The following VWA3B variants were observed in gnomAD, a reference collection of about 807,000 sequenced individuals.
VWA3B encodes the protein von Willebrand factor A domain-containing protein 3B.
VWA3B carries 138 observed loss-of-function variants against 158.3 expected under a neutral mutation model. The observed-to-expected ratio is 0.87, with a 90% CI of 0.76 to 1.00. The LOEUF is 1.00. Among genes scored for constraint, VWA3B ranks in the 50% least tolerant of loss-of-function variants. The pLI is 0.00. For synonymous variants in VWA3B, 596 were observed against 587.3 expected, an observed-to-expected ratio of 1.01 and a Z score of -0.21; for missense variants, 1,555 against 1,565.1, an observed-to-expected ratio of 0.99 and a Z score of 0.11.
At chr2:98,277,580 G>A (rs1688599558) in intron 22 of VWA3B, among the ~76,000 whole-genome samples, 1 of 152,328 alleles carries the variant, frequency 6.6e-6, no homozygotes, top group Admixed American at 6.5e-5. Context: ...GCCGTGGAAA[G>A]TTACCCACAC....
chr2:98,243,114 G>A (rs1231459254), intron 19 of VWA3B, among the ~76,000 whole-genome samples: 2 of 151,786 alleles, frequency 1.3e-5, no homozygotes, highest in African/African-American at 4.8e-5. Flanking sequence ...CAGACCCTTT[G>A]TTCTTTGTTT....
At chr2:98,111,111 C>A (rs1423145291) in intron 2 of VWA3B, among the ~76,000 whole-genome samples, 3 of 152,200 alleles carry the variant, frequency 2.0e-5, no homozygotes, top group African/African-American at 2.4e-5. Context: ...AACCCCTGCT[C>A]CCCCCACCTT....
intron 21 of VWA3B, among the ~76,000 whole-genome samples, chr2:98,264,789 A>G (rs1342777013): frequency 1.3e-5 from 2 of 152,064 alleles, no homozygotes; most frequent in Admixed American, 1.3e-4. Context: ...TGTTCTGTCC[A>G]TTATTGAAAG....
chr2:98,230,213 A>G lies in VWA3B; in HGVS notation c.2308+6A>G. The G allele has an allele frequency of 6.5e-7, 1 of 1,548,562 alleles. No individual in the cohort carries two copies. Among genetic ancestry groups the G allele is most frequent in the Non-Finnish European group, 8.7e-7 (1 of 1,153,954 alleles). ...AAAGAAAGTCCTTCACGCAGGTATC[A>G]GTGAACAAAATGGCTTGACTCTTTG... On this transcript the variant is annotated splice_donor_region_variant and intron_variant, in intron 16 of 27. Transcript: ENST00000477737.
chr2:98,304,118 C>A (rs578076609), intron 26 of VWA3B, among the ~76,000 whole-genome samples: 1 of 152,304 alleles, frequency 6.6e-6, no homozygotes, highest in South Asian at 2.1e-4. Flanking sequence ...GCATTTGGGT[C>A]CAGTCACCTA....
chr2:98,217,972 G>C lies in VWA3B; in HGVS notation c.1963G>C (p.Glu655Gln). 3.1e-6 allele frequency: 5 copies of C among 1,613,340 alleles called. No homozygotes were observed. Among genetic ancestry groups the C allele is most frequent in the Non-Finnish European group, 4.2e-6 (5 of 1,179,688 alleles). ...AGAGGTTGCTGCTTTGACTGGAGGA[G>C]AGTTCCATTTTTATAATTTTGGTTG... The part of the protein sequence containing the change: ...LKEVAALTGG[E>Q]FHFYNFGCKD... Residue 655 changes from glutamate (E) to glutamine (Q), a missense_variant, in exon 14 of 28, where the codon GAG becomes CAG. Coordinates refer to ENST00000477737, the MANE Select transcript of VWA3B (RefSeq NM_144992.5).
chr2:98,257,905 G>A lies in VWA3B; in HGVS notation c.2843+1731G>A, dbSNP rs951555595. ...TTTTTTTCTTTTGTTTGTGTTTTTGGTGTCAAATCTAAGAATCCATTGCCA... is the reference window on the plus strand; with the variant it reads ...TTTTTTTCTTTTGTTTGTGTTTTTGATGTCAAATCTAAGAATCCATTGCCA... On this transcript the variant is annotated intron_variant, in intron 21 of 27. Coordinates refer to ENST00000477737, the MANE Select transcript of VWA3B (RefSeq NM_144992.5). 2.6e-5 allele frequency among the ~76,000 whole-genome samples: 4 copies of A among 151,766 alleles called. No homozygotes were observed. The East Asian group carries it at 5.8e-4, about 22-fold the overall frequency.
intron 7 of VWA3B, among the ~76,000 whole-genome samples, chr2:98,157,492 C>T (rs1678184224): frequency 6.6e-6 from 1 of 152,158 alleles, no homozygotes; most frequent in African/African-American, 2.4e-5. Flanking sequence ...GATTTTCCTG[C>T]TTTCATTCCC....
intron 4 of VWA3B, among the ~76,000 whole-genome samples, chr2:98,120,433 A>G (rs367742517): frequency 2.0e-5 from 3 of 152,242 alleles, no homozygotes; most frequent in East Asian, 3.8e-4. Context: ...CTTTGGGGAC[A>G]ATGCCTAATT....
chr2:98,302,661 G>C (rs1186541341), intron 25 of VWA3B, among the ~76,000 whole-genome samples: 1 of 152,158 alleles, frequency 6.6e-6, no homozygotes, highest in African/African-American at 2.4e-5. Context: ...TTCCAGAAAA[G>C]GAATTGAAGC....
At chr2:98,151,498 T>C (rs559224571) in intron 7 of VWA3B, among the ~76,000 whole-genome samples, 18 of 152,348 alleles carry the variant, frequency 1.2e-4, no homozygotes, top group African/African-American at 4.3e-4. Context: ...TCATATCCAG[T>C]TGGCCAGAGC....
intron 21 of VWA3B, among the ~76,000 whole-genome samples, chr2:98,264,305 G>T (rs989179304): frequency 6.6e-6 from 1 of 151,778 alleles, no homozygotes; most frequent in Non-Finnish European, 1.5e-5. Flanking sequence ...TCCTTGAAAA[G>T]TAAAGTTAAA....
chr2:98,185,202 T>G (rs1436861975), intron 9 of VWA3B, among the ~76,000 whole-genome samples: 1 of 151,908 alleles, frequency 6.6e-6, no homozygotes, highest in Non-Finnish European at 1.5e-5. Flanking sequence ...CTGTAGGTTG[T>G]TTATTCTCTT....
At chr2:98,302,349 C>A (rs1317897765) in intron 25 of VWA3B, among the ~76,000 whole-genome samples, 1 of 152,222 alleles carries the variant, frequency 6.6e-6, no homozygotes, top group African/African-American at 2.4e-5. Flanking sequence ...GCAGAGACCA[C>A]GTCTGTTCAC....
At chr2:98,256,078 A>G (rs745945544) in intron 20 of VWA3B, 46 bp from the exon 21 acceptor site, 3 of 1,609,236 alleles carry the variant, frequency 1.9e-6, no homozygotes, top group Non-Finnish European at 2.5e-6. Flanking sequence ...TTGCCATGAA[A>G]TGAAGTACTG....
At chr2:98,127,339 A>G (rs1483221807) in intron 5 of VWA3B, among the ~76,000 whole-genome samples, 2 of 152,088 alleles carry the variant, frequency 1.3e-5, no homozygotes, top group African/African-American at 4.8e-5. Flanking sequence ...AAGGGAAGAC[A>G]CTGAAGTTAG....
intron 23 of VWA3B, chr2:98,292,047 C>T (rs1689522788): frequency 2.0e-5 from 3 of 147,602 alleles, no homozygotes; most frequent in South Asian, 2.1e-4. Context: ...AGTTCAAGAC[C>T]AGCCTGGCCA....
intron 26 of VWA3B, among the ~76,000 whole-genome samples, chr2:98,305,036 C>A: frequency 6.6e-6 from 1 of 152,146 alleles, no homozygotes; most frequent in East Asian, 1.9e-4. Flanking sequence ...GGACCTCTCA[C>A]GAGCCTGAAC....
chr2:98,117,358 G>A (rs1171814616), intron 3 of VWA3B, among the ~76,000 whole-genome samples: 1 of 152,178 alleles, frequency 6.6e-6, no homozygotes, highest in Non-Finnish European at 1.5e-5. Context: ...TTAGTTTCCG[G>A]ATGCTTTCAG....
Sources: gnomAD v4.1 joint callset for allele counts (sites outside exome capture counted in the v4.1 genomes callset) on GRCh38, gnomAD v4.1.1 for gene constraint, MANE v1.5 for transcripts, NCBI Gene and HGNC (gene_info 2026-07-23, HGNC 2026-07-21) for gene names.